The following FPR3 variants were observed in gnomAD, a reference collection of about 807,000 sequenced individuals.
FPR3 encodes N-formyl peptide receptor 3.
For synonymous variants in FPR3, 135 were observed against 163.6 expected (o/e 0.83, Z 1.34); for missense variants, 346 against 443.2 (o/e 0.78, Z 1.97).
intron 1 of FPR3, among the ~76,000 whole-genome samples, chr19:51,819,461 G>A (rs999455069): frequency 3.3e-5 from 5 of 152,052 alleles, no homozygotes; most frequent in African/African-American, 9.7e-5. Context: ...ACAACCAAGA[G>A]TGGATTGTGT....
At position 51,795,501 on chromosome 19, in the gene FPR3, A is replaced by ATTTTTTTTTTTTTT. The variant is rs1361472024; in HGVS notation, c.-11+172_-11+173insTTTTTTTTTTTTTT. Among the ~76,000 whole-genome samples, 30 of 77,098 alleles carry ATTTTTTTTTTTTTT rather than the reference A, an allele frequency of 3.9e-4. 1 individual carries two copies. The highest frequency in any genetic ancestry group is 1.1e-3 in the South Asian group (2 of 1,816). The allele number at this position is 77,098 out of a possible 152,430, so 50.6% of individuals were successfully genotyped here. A position where few individuals can be genotyped will look rare whatever the true frequency, so the allele number is the denominator to read the frequency against. ...TAATTTGGTTACATGTTCCAGTAACATTCTTTTTTTTTTTTTTTTTTTTTT... is the reference window on the plus strand; with the variant it reads ...TAATTTGGTTACATGTTCCAGTAACATTTTTTTTTTTTTTTTCTTTTTTTTTTTTTTTTTTTTTT... On this transcript the variant is annotated intron_variant, in intron 1 of 1. Transcript: ENST00000339223.
rs753127261 is a variant in FPR3 at position 51,797,877 on chromosome 19, C to CTTTTTTTTTTTTTTTTTTT, written c.-11+2551_-11+2569dup. On this transcript the variant is annotated intron_variant, in intron 1 of 1. Coordinates refer to ENST00000339223, the MANE Select transcript of FPR3 (RefSeq NM_002030.5). ...ATCCTAGATGATTTCCATGTCTATTCTTTTTTTTTTTTTTTTTTTTTTTGA... is the reference window on the plus strand; with the variant it reads ...ATCCTAGATGATTTCCATGTCTATTCTTTTTTTTTTTTTTTTTTTTTTTTTTTTTTTTTTTTTTTTTTGA... Among the ~76,000 whole-genome samples the CTTTTTTTTTTTTTTTTTTT allele has an allele frequency of 6.6e-4, 47 of 71,510 alleles. 6 individuals are homozygous for CTTTTTTTTTTTTTTTTTTT. The highest frequency in any genetic ancestry group is 8.2e-4 in the African/African-American group (14 of 17,118). The allele number at this position is 71,510 out of a possible 152,430, so 46.9% of individuals were successfully genotyped here.
intron 1 of FPR3, among the ~76,000 whole-genome samples, chr19:51,818,851 G>C (rs12463097): frequency 0.13 from 19,789 of 152,174 alleles, 1,482 homozygotes; most frequent in South Asian, 0.29. Flanking sequence ...AGCCATAGAA[G>C]AGTGCTGAGA....
chr19:51,809,051 G>T (rs867733334), intron 1 of FPR3, among the ~76,000 whole-genome samples: 10 of 152,254 alleles, frequency 6.6e-5, no homozygotes, highest in African/African-American at 2.2e-4. Context: ...CTGATATTGG[G>T]TTAGGATTTC....
At chr19:51,811,829 C>T (rs762604873) in intron 1 of FPR3, among the ~76,000 whole-genome samples, 3 of 152,174 alleles carry the variant, frequency 2.0e-5, no homozygotes, top group Admixed American at 6.5e-5. Context: ...TGGGAGTAGT[C>T]GTGAGTTTGC....
chr19:51,805,752 A>G (rs1228703609), intron 1 of FPR3, among the ~76,000 whole-genome samples: 1 of 152,206 alleles, frequency 6.6e-6, no homozygotes, highest in East Asian at 1.9e-4. Flanking sequence ...ATGCAAAGTT[A>G]CAGAGGACAT....
rs147264707 is a variant in FPR3 at position 51,824,324 on chromosome 19, C to T, written c.576C>T (p.Asn192=). ...FWGDTAVERL[N]VFITMAKVFL... ...GTGACACTGCTGTAGAGAGGTTGAACGTGTTCATTACCATGGCCAAGGTCT... is the reference window on the plus strand; with the variant it reads ...GTGACACTGCTGTAGAGAGGTTGAATGTGTTCATTACCATGGCCAAGGTCT... Residue 192 remains asparagine (N), a synonymous_variant, in exon 2 of 2, where the codon AAC becomes AAT. Coordinates refer to ENST00000339223, the MANE Select transcript of FPR3 (RefSeq NM_002030.5). The surrounding 1 kb of genome is among the most constrained non-coding windows in gnomAD (Gnocchi z 4.7). 49 of 1,614,102 alleles carry T rather than the reference C, an allele frequency of 3.0e-5. No individual in the cohort carries two copies. The highest frequency in any genetic ancestry group is 3.3e-4 in the Middle Eastern group (2 of 6,058).
rs912156345 is a variant in FPR3 at position 51,813,809 on chromosome 19, C to T, written c.-10-9930C>T. Among the ~76,000 whole-genome samples the T allele has an allele frequency of 2.6e-5, 4 of 152,182 alleles. No individual in the cohort carries two copies. In the South Asian group the frequency reaches 6.2e-4, roughly 24 times the overall value. On this transcript the variant is annotated intron_variant, in intron 1 of 1. Transcript: ENST00000339223. ...TCGGCCTCCCAAAGTGCTGGGATTA[C>T]AGGCATAAGCCACCGCAGCTGGCCG...
chr19:51,824,812 G>C lies in FPR3; in HGVS notation c.*2G>C. ...GAGACGGAGTTACAAGCAATGTGAG[G>C]TCGGGGATATTTTTGGGCTCTGTCT... On this transcript the variant is annotated 3_prime_UTR_variant, in exon 2 of 2. Coordinates refer to ENST00000339223, the MANE Select transcript of FPR3 (RefSeq NM_002030.5). This position sits in a 1 kb window ranked among gnomAD's most constrained non-coding sequence, Gnocchi z 4.7. 1 of 1,600,038 alleles carries C rather than the reference G, an allele frequency of 6.2e-7. No individual in the cohort carries two copies. Among genetic ancestry groups the C allele is most frequent in the South Asian group, 1.1e-5 (1 of 89,498 alleles).
intron 1 of FPR3, among the ~76,000 whole-genome samples, chr19:51,809,544 A>G (rs573648509): frequency 2.2e-4 from 34 of 152,324 alleles, no homozygotes; most frequent in African/African-American, 7.7e-4. Context: ...TTTGCAGGGA[A>G]TAAGCAATAA....
intron 1 of FPR3, among the ~76,000 whole-genome samples, chr19:51,814,491 T>C (rs1283277057): frequency 1.3e-5 from 2 of 151,650 alleles, no homozygotes; most frequent in Non-Finnish European, 2.9e-5. Context: ...TTGTTTTTTG[T>C]TTGTTTTGTT....
At chr19:51,810,986 T>C (rs2084092783) in intron 1 of FPR3, among the ~76,000 whole-genome samples, 1 of 152,228 alleles carries the variant, frequency 6.6e-6, no homozygotes, top group Non-Finnish European at 1.5e-5. Flanking sequence ...CAGATGTTTC[T>C]GCAACTGGAG....
intron 1 of FPR3, chr19:51,817,655 T>A (rs2084149537): frequency 6.6e-6 from 1 of 152,216 alleles, no homozygotes; most frequent in African/African-American, 2.4e-5. Flanking sequence ...TCTGTTCTAC[T>A]CATCAATACA....
At chr19:51,796,317 C>A (rs1312249925) in intron 1 of FPR3, among the ~76,000 whole-genome samples, 1 of 152,074 alleles carries the variant, frequency 6.6e-6, no homozygotes, top group Non-Finnish European at 1.5e-5. Context: ...GATGAGAGTG[C>A]AGAGATGAGG....
chr19:51,813,781 ACCTCGG>A (rs2084115075), intron 1 of FPR3, among the ~76,000 whole-genome samples: 1 of 152,084 alleles, frequency 6.6e-6, no homozygotes, highest in African/African-American at 2.4e-5. Context: ...TGATCCACCC[ACCTCGG>A]CCTCCCAAAG....
At chr19:51,815,904 G>C (rs1309450540) in intron 1 of FPR3, among the ~76,000 whole-genome samples, 2 of 150,576 alleles carry the variant, frequency 1.3e-5, no homozygotes, top group African/African-American at 2.4e-5. Flanking sequence ...AGAAGAAAAA[G>C]AAAAGAAAAG....
chr19:51,798,588 C>T (rs967012742), intron 1 of FPR3, among the ~76,000 whole-genome samples: 8 of 152,142 alleles, frequency 5.3e-5, no homozygotes, highest in African/African-American at 1.7e-4. Context: ...AGCACTTGAG[C>T]GTGCAAAGGT....
At chr19:51,820,889 C>T (rs1158546174) in intron 1 of FPR3, among the ~76,000 whole-genome samples, 1 of 152,198 alleles carries the variant, frequency 6.6e-6, no homozygotes, top group African/African-American at 2.4e-5. Flanking sequence ...AGTGCTCACA[C>T]AGATTAACAC....
chr19:51,814,999 G>A (rs979655472), intron 1 of FPR3, among the ~76,000 whole-genome samples: 2 of 150,424 alleles, frequency 1.3e-5, no homozygotes, highest in African/African-American at 2.5e-5. Flanking sequence ...TAGTAGAGGC[G>A]GGGTTTCACC....
Sources: allele counts gnomAD v4.1 joint callset (sites outside exome capture counted in the v4.1 genomes callset), GRCh38; gene constraint gnomAD v4.1.1; non-coding constraint Gnocchi (gnomAD v3.1); transcripts MANE v1.5; gene names NCBI Gene and HGNC (gene_info 2026-07-23, HGNC 2026-07-21).